BRD4: variants seen among roughly 807,000 people sequenced by gnomAD.
BRD4 encodes the protein bromodomain containing 4.
BRD4 carries 16 observed loss-of-function variants against 142.1 expected under a neutral mutation model. That is an observed-to-expected ratio of 0.11 (90% CI 0.08 to 0.17). BRD4 has a LOEUF of 0.17. Ranked by LOEUF, BRD4 falls within the 10% of genes least tolerant of loss-of-function variation. The pLI, the probability that BRD4 is intolerant of heterozygous loss-of-function variation, is 1.00. For missense variants in BRD4, 1,424 were observed against 1,810.9 expected (o/e 0.79, Z 3.88); for synonymous variants, 833 against 707.5 (o/e 1.18, Z -2.82).
intron 1 of BRD4, among the ~76,000 whole-genome samples, chr19:15,289,576 A>T (rs1877049190): frequency 6.6e-6 from 1 of 151,972 alleles, no homozygotes; most frequent in African/African-American, 2.4e-5. Flanking sequence ...AATAAATAAA[A>T]TAAATCAGAA....
chr19:15,310,772 G>A (rs1165292518), intron 1 of BRD4, among the ~76,000 whole-genome samples: 1 of 149,740 alleles, frequency 6.7e-6, no homozygotes, highest in East Asian at 2.0e-4. Flanking sequence ...TAGGATTACA[G>A]GCATGAGCCA....
chr19:15,242,112 C>T (rs113807605), intron 14 of BRD4, among the ~76,000 whole-genome samples: 1,788 of 152,298 alleles, frequency 0.012, 21 homozygotes, highest in Middle Eastern at 0.02. Flanking sequence ...CCGCGCCCGG[C>T]CTGCATCCAG....
At position 15,255,329 on chromosome 19, in the gene BRD4, G is replaced by T; in HGVS notation, c.2015C>A (p.Thr672Asn). The T allele has an allele frequency of 6.2e-7, 1 of 1,613,942 alleles. No homozygotes were observed. Reference sequence around the variant, plus strand: ...TTTCCTTTTCTTCCGCAAACAGGAGGTGACATAGCGCTCCAGCTCACGCAG... The same window carrying T: ...TTTCCTTTTCTTCCGCAAACAGGAGTTGACATAGCGCTCCAGCTCACGCAG... ...STLRELERYVTSCLRKKRKPQ... is the reference protein window; with the variant it reads ...STLRELERYVNSCLRKKRKPQ... Residue 672 changes from threonine to asparagine, a missense_variant, in exon 10 of 20, where the codon ACC becomes AAC. Thr to Asn is a moderately conservative substitution (Grantham distance 65, BLOSUM62 0). This residue lies in a region of BRD4 where 46 missense variants were observed against 110.4 expected (regional missense o/e 0.42). Coordinates refer to ENST00000679869, the MANE Select transcript of BRD4 (RefSeq NM_001379291.1).
At chr19:15,317,948 AT>A (rs1211932254) in intron 1 of BRD4, among the ~76,000 whole-genome samples, 1 of 152,278 alleles carries the variant, frequency 6.6e-6, no homozygotes, top group African/African-American at 2.4e-5. Flanking sequence ...AGGAAAACAT[AT>A]GAAGAGTCTC....
chr19:15,247,952 C>G (rs2047305787), intron 11 of BRD4: 2 of 223,684 alleles, frequency 8.9e-6, no homozygotes, highest in Non-Finnish European at 1.8e-5. Context: ...TGCTCAAGCC[C>G]AAGGAGCTGA....
intron 6 of BRD4, chr19:15,264,153 C>T (rs988529670): frequency 6.5e-6 from 3 of 458,326 alleles, no homozygotes; most frequent in Admixed American, 7.9e-5. Flanking sequence ...GAGGGCTTGT[C>T]TTGCTTTTCC....
At chr19:15,255,954 G>A in intron 9 of BRD4, 110 bp downstream of exon 9, 1 of 1,427,834 alleles carries the variant, frequency 7.0e-7, no homozygotes, top group East Asian at 2.3e-5. Flanking sequence ...CGGCTGCAGA[G>A]GGGCAGCCTC....
At chr19:15,303,474 C>T (rs374395305) in intron 1 of BRD4, among the ~76,000 whole-genome samples, 19 of 152,126 alleles carry the variant, frequency 1.2e-4, no homozygotes, top group Admixed American at 7.2e-4. Context: ...GCTCTGACAG[C>T]GAACACCTTT....
Position 15,238,601 on chromosome 19 carries a change from G to A in BRD4, c.4020+142C>T. The A allele has an allele frequency of 6.8e-7, 1 of 1,476,456 alleles. No individual in the cohort carries two copies. The highest frequency in any genetic ancestry group is 9.0e-7 in the Non-Finnish European group (1 of 1,109,904). The allele number at this position is 1,476,456 out of a possible 1,614,324, so 91.5% of individuals were successfully genotyped here. A position where few individuals can be genotyped will look rare whatever the true frequency, so the allele number is the denominator to read the frequency against. On this transcript the variant is annotated intron_variant, in intron 19 of 19. Transcript: ENST00000679869. This position sits in a 1 kb window ranked among gnomAD's most constrained non-coding sequence, Gnocchi z 7.2. Reference sequence around the variant, plus strand: ...TCCACACAGCACTCAGGGCCCTACAGCTGAGTCCAGAGGACCACATGCCGA... The same window carrying A: ...TCCACACAGCACTCAGGGCCCTACAACTGAGTCCAGAGGACCACATGCCGA...
At chr19:15,269,567 T>C (rs1328203515) in intron 2 of BRD4, among the ~76,000 whole-genome samples, 1 of 152,126 alleles carries the variant, frequency 6.6e-6, no homozygotes, top group African/African-American at 2.4e-5. Flanking sequence ...GGAGCATAAG[T>C]TTCCACCCCT....
In BRD4 at chr19:15,332,499, C is replaced by G. The variant is rs1274601194; in HGVS notation, c.-244G>C. 9.4e-6 allele frequency: 1 copy of G among 105,924 alleles called. No homozygotes were observed. The highest frequency in any genetic ancestry group is 5.8e-5 in the African/African-American group (1 of 17,340). 6.6% of individuals were successfully genotyped at this position (105,924 alleles called of 1,614,324 possible). ...GCTGCGGGAGACCAGAACAAACAGC[C>G]CAGCCGCCGCCGCCGCCGCCGCCGC... is the stretch of plus-strand genomic sequence containing the variant. On this transcript the variant is annotated 5_prime_UTR_variant, in exon 1 of 20. Coordinates refer to ENST00000679869, the MANE Select transcript of BRD4 (RefSeq NM_001379291.1).
In BRD4 at chr19:15,257,106, G is replaced by C. The variant is rs939599514; in HGVS notation, c.1409C>G (p.Ser470Cys). 1.2e-6 allele frequency: 2 copies of C among 1,608,996 alleles called. No homozygotes were observed. The highest frequency in any genetic ancestry group is 1.3e-5 in the African/African-American group (1 of 74,900). ...EPEEPVVAVS[S>C]PAVPPPTKVV... ...CTTGGTGGGAGGGGGCACTGCCGGG[G>C]AGGACACGGCCACCACTGGCTCCTC... Residue 470 changes from serine (S) to cysteine (C), a missense_variant, in exon 8 of 20, where the codon TCC (serine) becomes TGC (cysteine). Physicochemically the swap from Ser to Cys is moderately radical, Grantham distance 112. Around this residue, in one of 16 missense-constraint regions of BRD4, gnomAD observed 90 missense variants for 93.2 expected, o/e 0.97. Coordinates refer to ENST00000679869, the MANE Select transcript of BRD4 (RefSeq NM_001379291.1).
intron 14 of BRD4, among the ~76,000 whole-genome samples, chr19:15,241,417 C>A (rs1406227605): frequency 6.6e-5 from 10 of 152,262 alleles, no homozygotes; most frequent in Non-Finnish European, 1.2e-4. Flanking sequence ...CTCCTGAAAG[C>A]TGGCTGGGGG....
chr19:15,261,004 A>G (rs1286992284), intron 7 of BRD4, among the ~76,000 whole-genome samples: 1 of 152,120 alleles, frequency 6.6e-6, no homozygotes, highest in Non-Finnish European at 1.5e-5. Context: ...GCTGGAAGAG[A>G]ATTTGTTTCT....
At chr19:15,296,126 C>T (rs1431878636) in intron 1 of BRD4, among the ~76,000 whole-genome samples, 3 of 152,044 alleles carry the variant, frequency 2.0e-5, no homozygotes, top group Non-Finnish European at 2.9e-5. Flanking sequence ...TGGTGGCGCA[C>T]GCCTGTAGTC....
At chr19:15,306,394 A>G (rs2047914065) in intron 1 of BRD4, among the ~76,000 whole-genome samples, 1 of 152,062 alleles carries the variant, frequency 6.6e-6, no homozygotes. Flanking sequence ...TCAGCCTCCC[A>G]AGTAGCTGGG....
intron 3 of BRD4, among the ~76,000 whole-genome samples, chr19:15,267,766 A>T (rs1319710526): frequency 6.6e-6 from 1 of 152,160 alleles, no homozygotes; most frequent in East Asian, 1.9e-4. Context: ...ACACTTGTCT[A>T]CCTGCACCTC....
rs747634034 is a variant in BRD4, at chr19:15,253,774, G to A, written c.2158+378C>T. On this transcript the variant is annotated intron_variant, in intron 11 of 19. Coordinates refer to ENST00000679869, the MANE Select transcript of BRD4 (RefSeq NM_001379291.1). ...CCCTGGGGACACGAAGTCTCCACTG[G>A]TGCAGAAAGCTGGGTGTGGTCACAT... The A allele has an allele frequency of 5.6e-6, 9 of 1,597,538 alleles. 1 individual carries two copies. The highest frequency in any genetic ancestry group is 7.6e-6 in the Non-Finnish European group (9 of 1,179,234).
intron 1 of BRD4, among the ~76,000 whole-genome samples, chr19:15,288,411 A>G (rs1223284501): frequency 6.6e-6 from 1 of 152,226 alleles, no homozygotes; most frequent in African/African-American, 2.4e-5. Context: ...AAAATAATAA[A>G]TAAAAATAAA....
Sources: gnomAD v4.1 joint callset for allele counts (sites outside exome capture counted in the v4.1 genomes callset) on GRCh38, gnomAD v4.1.1 for gene constraint, gnomAD v4.1.1 regional missense constraint, Gnocchi (gnomAD v3.1) non-coding constraint, MANE v1.5 for transcripts, NCBI Gene and HGNC (gene_info 2026-07-23, HGNC 2026-07-21) for gene names.